NOL4L: variants seen among roughly 807,000 people sequenced by gnomAD.
NOL4L encodes nucleolar protein 4-like.
Under a neutral mutation model 64.5 loss-of-function variants are expected in NOL4L, and 7 were observed. The observed-to-expected ratio is 0.11, with a 90% CI of 0.06 to 0.20. NOL4L has a LOEUF of 0.20. Among genes scored for constraint, NOL4L ranks in the 10% least tolerant of loss-of-function variants. The pLI, the probability that NOL4L is intolerant of heterozygous loss-of-function variation, is 1.00. For missense variants in NOL4L, 680 were observed against 967.1 expected (o/e 0.70, Z 3.94); for synonymous variants, 413 against 401.0 (o/e 1.03, Z -0.36).
rs1185574227 is a variant in NOL4L, at chr20:32,446,247, G to A, written c.*1349C>T. 6.9e-6 allele frequency: 1 copy of A among 145,260 alleles called. No individual in the cohort carries two copies. The highest frequency in any genetic ancestry group is 1.5e-5 in the Non-Finnish European group (1 of 65,118). The allele number at this position is 145,260 out of a possible 1,614,324, so 9.0% of individuals were successfully genotyped here. ...AGTGCCTATCAATCAATCAATCAGG[G>A]AGGAAGGAAACCAGGCCAGCTTTTT... On this transcript the variant is annotated 3_prime_UTR_variant, in exon 11 of 11. Transcript: ENST00000621426.
intron 4 of NOL4L, among the ~76,000 whole-genome samples, chr20:32,498,605 TGC>T (rs2016788809): frequency 6.8e-6 from 1 of 148,146 alleles, no homozygotes; most frequent in Non-Finnish European, 1.5e-5. Context: ...CTATAAAAAG[TGC>T]AAAAAATTAG....
chr20:32,584,048 C>T (rs2145630874), intron 1 of NOL4L, among the ~76,000 whole-genome samples: 1 of 144,118 alleles, frequency 6.9e-6, no homozygotes, highest in East Asian at 2.3e-4. Context: ...TCCCCTGGCG[C>T]TGGGAGGCCC....
In NOL4L at chr20:32,485,878, T is replaced by C. The variant is rs73246597; in HGVS notation, c.700-11136A>G. ...TCACAGCAGTGGTGGACATCTGAGC[T>C]TGAAATATAAAGCCAAATACAACTG... is the stretch of plus-strand genomic sequence containing the variant. On this transcript the variant is annotated intron_variant, in intron 4 of 10. Transcript: ENST00000621426. The C allele has an allele frequency of 2.0e-3, 825 of 412,586 alleles. 4 individuals carry two copies. Among genetic ancestry groups the C allele is most frequent in the African/African-American group, 0.016 (750 of 48,028 alleles). The allele number at this position is 412,586 out of a possible 1,614,324, so 25.6% of individuals were successfully genotyped here.
intron 1 of NOL4L, among the ~76,000 whole-genome samples, chr20:32,534,655 C>G (rs2018452135): frequency 6.6e-6 from 1 of 151,842 alleles, no homozygotes; most frequent in Non-Finnish European, 1.5e-5. Context: ...GAGTTCAAGA[C>G]CAGCCTGGGC....
At chr20:32,515,401 G>T (rs1048242905) in intron 3 of NOL4L, among the ~76,000 whole-genome samples, 6 of 152,150 alleles carry the variant, frequency 3.9e-5, no homozygotes, top group Non-Finnish European at 8.8e-5. Context: ...GACATTCTAG[G>T]TGAGGAAATG....
At chr20:32,526,089 C>G (rs763536255) in intron 2 of NOL4L, among the ~76,000 whole-genome samples, 1 of 151,980 alleles carries the variant, frequency 6.6e-6, no homozygotes, top group African/African-American at 2.4e-5. Context: ...AGGGGTCTTG[C>G]TATGGTGCCC....
At chr20:32,459,660 C>T (rs2013870179) in intron 5 of NOL4L, among the ~76,000 whole-genome samples, 2 of 152,164 alleles carry the variant, frequency 1.3e-5, no homozygotes, top group African/African-American at 2.4e-5. Flanking sequence ...GCTGGGATTA[C>T]AGGCATGGGC....
At chr20:32,563,735 CTT>C (rs1434679614) in intron 1 of NOL4L, among the ~76,000 whole-genome samples, 1 of 152,134 alleles carries the variant, frequency 6.6e-6, no homozygotes, top group East Asian at 1.9e-4. Context: ...GGCCAAGTGA[CTT>C]ATGTAAGGTC....
intron 2 of NOL4L, among the ~76,000 whole-genome samples, chr20:32,524,696 G>C (rs2018065336): frequency 1.3e-5 from 2 of 152,172 alleles, no homozygotes; most frequent in South Asian, 2.1e-4. Context: ...CCATCAGCAG[G>C]GGTTTCCTTG....
chr20:32,542,151 T>G (rs2018666497), intron 1 of NOL4L, among the ~76,000 whole-genome samples: 1 of 152,178 alleles, frequency 6.6e-6, no homozygotes, highest in Admixed American at 6.5e-5. Flanking sequence ...CTTACCTGTG[T>G]CCTTATTCCT....
At chr20:32,490,061 G>C (rs2016393374) in intron 4 of NOL4L, among the ~76,000 whole-genome samples, 1 of 136,374 alleles carries the variant, frequency 7.3e-6, no homozygotes, top group African/African-American at 2.8e-5. Context: ...CCCAGGAAGG[G>C]GAGGCTGCAG....
rs944751469 is a variant in NOL4L at position 32,446,139 on chromosome 20, A to T, written c.*1457T>A. The T allele has an allele frequency of 1.3e-5, 2 of 152,388 alleles. No individual in the cohort carries two copies. Among genetic ancestry groups the T allele is most frequent in the African/African-American group, 4.8e-5 (2 of 41,416 alleles). 9.4% of individuals were successfully genotyped at this position (152,388 alleles called of 1,614,324 possible). On this transcript the variant is annotated 3_prime_UTR_variant, in exon 11 of 11. Coordinates refer to ENST00000621426, the MANE Select transcript of NOL4L (RefSeq NM_001256798.2). ...TGCTGTCATGGCTACGGAGTGTTGC[A>T]CGGAGAGGCCCTGGGGGCCTGCTGA...
chr20:32,501,305 C>T (rs1031327021), intron 4 of NOL4L, among the ~76,000 whole-genome samples: 19 of 152,146 alleles, frequency 1.2e-4, no homozygotes, highest in Admixed American at 1.1e-3. Context: ...ACAAAATACA[C>T]AACTAGTACT....
intron 1 of NOL4L, among the ~76,000 whole-genome samples, chr20:32,537,595 A>C (rs1053693994): frequency 2.6e-5 from 4 of 152,140 alleles, no homozygotes; most frequent in Admixed American, 2.6e-4. Context: ...GATACCAACT[A>C]CTGGGCTCCA....
At chr20:32,492,461 G>C (rs563313003) in intron 4 of NOL4L, among the ~76,000 whole-genome samples, 1 of 152,334 alleles carries the variant, frequency 6.6e-6, no homozygotes, top group East Asian at 1.9e-4. Context: ...GGGTGGTGCT[G>C]ATGTTTTGTT....
chr20:32,474,907 C>A (rs924823674), intron 4 of NOL4L, 165 bp from the exon 5 acceptor site: 1 of 985,316 alleles, frequency 1.0e-6, no homozygotes, highest in Admixed American at 6.1e-5. Context: ...CCCCCTTGCC[C>A]GGTGGAAGTG....
At chr20:32,504,458 G>A (rs1316317641) in intron 4 of NOL4L, among the ~76,000 whole-genome samples, 1 of 151,864 alleles carries the variant, frequency 6.6e-6, no homozygotes, top group African/African-American at 2.4e-5. Context: ...TACTCGGGAG[G>A]CTGAGGCAGG....
At chr20:32,548,890 T>TA (rs1436535072) in intron 1 of NOL4L, 3 of 416,974 alleles carry the variant, frequency 7.2e-6, no homozygotes, top group African/African-American at 2.1e-5. Flanking sequence ...TACACAGCTG[T>TA]AAAAAAGAAG....
At chr20:32,521,607 T>TGAG in intron 2 of NOL4L, among the ~76,000 whole-genome samples, 1 of 151,594 alleles carries the variant, frequency 6.6e-6, no homozygotes, top group African/African-American at 2.4e-5. Flanking sequence ...CTCCCCTAGT[T>TGAG]GAGGAGGAGG....
Sources: gnomAD v4.1 joint callset for allele counts (sites outside exome capture counted in the v4.1 genomes callset) on GRCh38, gnomAD v4.1.1 for gene constraint, MANE v1.5 for transcripts, NCBI Gene and HGNC (gene_info 2026-07-23, HGNC 2026-07-21) for gene names.